SORCS2: variants seen among roughly 807,000 people sequenced by gnomAD.
The protein encoded by SORCS2 is VPS10 domain-containing receptor SorCS2.
A neutral mutation model predicts 141.6 loss-of-function variants in SORCS2; 100 were observed. The observed-to-expected ratio is 0.71, with a 90% CI of 0.60 to 0.83. SORCS2 has a LOEUF of 0.83. Among genes scored for constraint, SORCS2 ranks in the 40% least tolerant of loss-of-function variants. The probability of loss-of-function intolerance (pLI) is 0.00; values close to 1 mark genes in which losing one functional copy is unlikely to be tolerated. For synonymous variants in SORCS2, 789 were observed against 676.9 expected (o/e 1.17, Z -2.57); for missense variants, 1,646 against 1,560.2 (o/e 1.05, Z -0.93).
At chr4:7,514,601 G>A (rs1732861431) in intron 2 of SORCS2, among the ~76,000 whole-genome samples, 1 of 152,080 alleles carries the variant, frequency 6.6e-6, no homozygotes, top group South Asian at 2.1e-4. Context: ...TGTCTGGGAA[G>A]GAGAGGAGCA....
At chr4:7,587,172 A>G (rs1716591442) in intron 3 of SORCS2, among the ~76,000 whole-genome samples, 1 of 151,966 alleles carries the variant, frequency 6.6e-6, no homozygotes, top group Non-Finnish European at 1.5e-5. Context: ...GATGCCCTTC[A>G]GTTGTCTGAT....
chr4:7,238,422 G>A (rs1038684598), intron 1 of SORCS2, among the ~76,000 whole-genome samples: 2 of 152,154 alleles, frequency 1.3e-5, no homozygotes, highest in Non-Finnish European at 1.5e-5. Context: ...TGCTGGTAGG[G>A]CTCCTAGGTC....
intron 1 of SORCS2, among the ~76,000 whole-genome samples, chr4:7,249,793 C>T (rs1166084653): frequency 1.3e-5 from 2 of 152,056 alleles, no homozygotes; most frequent in Admixed American, 6.6e-5. Context: ...GCAGTATAGA[C>T]GACAAGAAAA....
At chr4:7,736,765 C>G (rs1163178369) in intron 25 of SORCS2, among the ~76,000 whole-genome samples, 1 of 152,152 alleles carries the variant, frequency 6.6e-6, no homozygotes. Flanking sequence ...CATGCCCTCT[C>G]CCCACCACAT....
At chr4:7,644,147 C>T (rs540838130) in intron 4 of SORCS2, among the ~76,000 whole-genome samples, 1 of 152,304 alleles carries the variant, frequency 6.6e-6, no homozygotes, top group African/African-American at 2.4e-5. Flanking sequence ...CCCAGGATGC[C>T]TCCTGAAAGC....
chr4:7,611,147 C>T (rs1452672452), intron 3 of SORCS2, among the ~76,000 whole-genome samples: 2 of 152,206 alleles, frequency 1.3e-5, no homozygotes, highest in Admixed American at 1.3e-4. Context: ...CAAAAGCCCA[C>T]ATGGAGCCAG....
intron 3 of SORCS2, among the ~76,000 whole-genome samples, chr4:7,556,651 CCCATCCATCTAT>C (rs1337121654): frequency 7.8e-4 from 119 of 152,166 alleles, no homozygotes; most frequent in African/African-American, 2.7e-3. Flanking sequence ...TACCCATCTG[CCCATCCATCTAT>C]CCATCCATCC....
chr4:7,280,559 G>A (rs2108858378), intron 1 of SORCS2, among the ~76,000 whole-genome samples: 1 of 152,238 alleles, frequency 6.6e-6, no homozygotes, highest in East Asian at 1.9e-4. Context: ...ATTCTGGGAG[G>A]GCCAGTGTTT....
At chr4:7,338,100 TTGGATGGATGTTGGA>T (rs1720104482) in intron 1 of SORCS2, among the ~76,000 whole-genome samples, 2 of 112,140 alleles carry the variant, frequency 1.8e-5, no homozygotes, top group African/African-American at 7.1e-5. Context: ...TGGATGGATG[TTGGATGGATGTTGGA>T]TGGATGGATG....
At position 7,366,856 on chromosome 4, in the gene SORCS2, C is replaced by T. The variant is rs917681517; in HGVS notation, c.481-29432C>T. Among the ~76,000 whole-genome samples the T allele has an allele frequency of 2.8e-4, 42 of 152,348 alleles. 1 individual carries two copies. The highest frequency in any genetic ancestry group is 2.1e-4 in the South Asian group (1 of 4,832). On this transcript the variant is annotated intron_variant, in intron 1 of 26. Coordinates refer to ENST00000507866, the MANE Select transcript of SORCS2 (RefSeq NM_020777.3). ...CTCACAGCTAGGTGCATGGCAGGTT[C>T]TCAGGAAGTCCTTGTTGAATGAAGG...
chr4:7,361,315 C>T (rs1721565131), intron 1 of SORCS2, among the ~76,000 whole-genome samples: 1 of 152,188 alleles, frequency 6.6e-6, no homozygotes, highest in South Asian at 2.1e-4. Flanking sequence ...GACGCTGCTT[C>T]CCCCATTAAT....
At chr4:7,547,074 G>A (rs1713317344) in intron 3 of SORCS2, among the ~76,000 whole-genome samples, 2 of 152,122 alleles carry the variant, frequency 1.3e-5, no homozygotes, top group African/African-American at 2.4e-5. Flanking sequence ...CCCCAACACT[G>A]CAAATCCACT....
intron 10 of SORCS2, among the ~76,000 whole-genome samples, chr4:7,687,936 C>T (rs577448050): frequency 6.6e-6 from 1 of 152,192 alleles, no homozygotes; most frequent in Admixed American, 6.5e-5. Context: ...TCTGTAGATT[C>T]CCTGCTCCGG....
chr4:7,363,492 C>T (rs1237570483), intron 1 of SORCS2, among the ~76,000 whole-genome samples: 2 of 135,042 alleles, frequency 1.5e-5, no homozygotes, highest in Non-Finnish European at 3.1e-5. Flanking sequence ...ATAACCATGC[C>T]TCACCATCAT....
chr4:7,274,687 T>A (rs1425687038), intron 1 of SORCS2, among the ~76,000 whole-genome samples: 1 of 151,916 alleles, frequency 6.6e-6, no homozygotes, highest in Non-Finnish European at 1.5e-5. Context: ...CAATTCAGCA[T>A]GAGATTTGGG....
chr4:7,657,940 G>A (rs377378899), intron 5 of SORCS2, among the ~76,000 whole-genome samples: 1 of 151,890 alleles, frequency 6.6e-6, no homozygotes, highest in Non-Finnish European at 1.5e-5. Flanking sequence ...ATAAGTGACC[G>A]AGTGAGTGGA....
chr4:7,532,229 C>T (rs867793301), intron 3 of SORCS2, among the ~76,000 whole-genome samples: 9 of 152,136 alleles, frequency 5.9e-5, no homozygotes, highest in East Asian at 1.9e-4. Context: ...AGATCAAGGT[C>T]GGCAGAGGCA....
At chr4:7,666,851 C>T (rs1198374342) in intron 7 of SORCS2, among the ~76,000 whole-genome samples, 4 of 152,178 alleles carry the variant, frequency 2.6e-5, no homozygotes, top group Non-Finnish European at 4.4e-5. Flanking sequence ...CACCTTGTTC[C>T]ATAAGTTGGA....
At chr4:7,364,544 C>T (rs951887997) in intron 1 of SORCS2, among the ~76,000 whole-genome samples, 25 of 152,120 alleles carry the variant, frequency 1.6e-4, no homozygotes, top group African/African-American at 5.8e-4. Flanking sequence ...TGGGCAGTCT[C>T]CTCCTTCCTT....
Sources: gnomAD v4.1 joint callset for allele counts (sites outside exome capture counted in the v4.1 genomes callset) on GRCh38, gnomAD v4.1.1 for gene constraint, MANE v1.5 for transcripts, NCBI Gene and HGNC (gene_info 2026-07-23, HGNC 2026-07-21) for gene names.